HEPACAM2: variants seen among roughly 807,000 people sequenced by gnomAD.
HEPACAM2 encodes the protein HEPACAM family member 2.
HEPACAM2 carries 49 observed loss-of-function variants against 49.6 expected under a neutral mutation model. That is an observed-to-expected ratio of 0.99 (90% CI 0.78 to 1.25). HEPACAM2 has a LOEUF of 1.25. Among genes scored for constraint, HEPACAM2 ranks in the 50% most tolerant of loss-of-function variants. HEPACAM2 has a pLI of 0.00. For missense variants in HEPACAM2, 525 were observed against 557.2 expected (o/e 0.94, Z 0.58); for synonymous variants, 197 against 202.9 (o/e 0.97, Z 0.25).
At chr7:93,202,827 TC>T in intron 4 of HEPACAM2, among the ~76,000 whole-genome samples, 1 of 152,258 alleles carries the variant, frequency 6.6e-6, no homozygotes, top group South Asian at 2.1e-4. Context: ...CTTCTGTGAT[TC>T]TCCAGTCAGG....
In HEPACAM2 at chr7:93,200,039, A is replaced by AT. The variant is rs557875706; in HGVS notation, c.1013-2430dup. Among the ~76,000 whole-genome samples the AT allele has an allele frequency of 1.3e-3, 196 of 151,052 alleles. 2 individuals are homozygous for AT. The South Asian group carries it at 0.027, about 21-fold the overall frequency. On this transcript the variant is annotated intron_variant, in intron 4 of 9. Coordinates refer to ENST00000394468, the MANE Select transcript of HEPACAM2 (RefSeq NM_001039372.4). ...GAGGGCAATCCTTTGAAGTTTGTTG[A>AT]TTTTTTTTAATGACTATACAAATAG...
rs760694318 is a variant in HEPACAM2 at position 93,197,295 on chromosome 7, G to T, written c.1164-17C>A. 5.3e-5 allele frequency: 86 copies of T among 1,609,504 alleles called. No individual in the cohort carries two copies. Among genetic ancestry groups the T allele is most frequent in the Non-Finnish European group, 7.0e-5 (82 of 1,178,044 alleles). On this transcript the variant is annotated splice_polypyrimidine_tract_variant and intron_variant, in intron 6 of 9. Transcript: ENST00000394468. ...GTTTCTGGCCTGAAAAGACAAAATA[G>T]GTATTTTTGTCAGGGATAATAATTG... is the stretch of plus-strand genomic sequence containing the variant.
chr7:93,208,886 T>C lies in HEPACAM2; in HGVS notation c.716-10A>G, dbSNP rs749791429. 4 of 1,536,724 alleles carry C rather than the reference T, an allele frequency of 2.6e-6. No individual in the cohort carries two copies. The highest frequency in any genetic ancestry group is 2.5e-5 in the South Asian group (2 of 79,546). ...AGTCCATAAGGTCCATCTGCATCAATATAAAAAAAAATAGATAAGTAACAC... is the reference window on the plus strand; with the variant it reads ...AGTCCATAAGGTCCATCTGCATCAACATAAAAAAAAATAGATAAGTAACAC... On this transcript the variant is annotated splice_polypyrimidine_tract_variant and intron_variant, in intron 3 of 9. Transcript: ENST00000394468.
At chr7:93,203,186 C>T (rs375978720) in intron 4 of HEPACAM2, among the ~76,000 whole-genome samples, 1 of 152,072 alleles carries the variant, frequency 6.6e-6, no homozygotes, top group African/African-American at 2.4e-5. Flanking sequence ...ATCCTTTTCT[C>T]GGAAGAAATG....
At position 93,215,568 on chromosome 7, in the gene HEPACAM2, A is replaced by C. The variant is rs779592005; in HGVS notation, c.548T>G (p.Leu183Arg). 10 of 1,613,768 alleles carry C rather than the reference A, an allele frequency of 6.2e-6. No individual in the cohort carries two copies. Among genetic ancestry groups the C allele is most frequent in the Non-Finnish European group, 7.6e-6 (9 of 1,179,822 alleles). Residue 183 changes from leucine to arginine, a missense_variant, in exon 3 of 10, where the codon CTA becomes CGA. Leu to Arg is a moderately radical substitution (Grantham distance 102). Transcript: ENST00000394468. ...EGGTRLAYQWLKNGRPVHTSS... is the reference protein window; with the variant it reads ...EGGTRLAYQWRKNGRPVHTSS... ...GGTGTGGACAGGTCTCCCATTTTTTAGCCATTGGTAAGCTAGCCGAGTGCC... is the reference window on the plus strand; with the variant it reads ...GGTGTGGACAGGTCTCCCATTTTTTCGCCATTGGTAAGCTAGCCGAGTGCC...
rs750703804 is a variant in HEPACAM2, at chr7:93,195,833, A to C, written c.1270T>G (p.Ser424Ala). Residue 424 changes from serine (S) to alanine (A), a missense_variant, in exon 8 of 10, where the codon TCC becomes GCC. Ser to Ala is a moderately conservative substitution (Grantham distance 99). Coordinates refer to ENST00000394468, the MANE Select transcript of HEPACAM2 (RefSeq NM_001039372.4). Reference sequence around the variant, plus strand: ...CAGCCACTAGGAAAACCAACCCTGGAAACACCAGAAACATCTGGAAAAGCA... The same window carrying C: ...CAGCCACTAGGAAAACCAACCCTGGCAACACCAGAAACATCTGGAAAAGCA... ...FVAFPDVSGV[S>A]RIPSRSVPAS... The C allele has an allele frequency of 6.2e-7, 1 of 1,612,474 alleles. No homozygotes were observed. The highest frequency in any genetic ancestry group is 1.1e-5 in the South Asian group (1 of 91,032).
Position 93,208,625 on chromosome 7 carries a change from C to T in HEPACAM2, c.967G>A (p.Gly323Ser), listed in dbSNP as rs141134867. The T allele has an allele frequency of 4.0e-5, 64 of 1,612,912 alleles. No individual in the cohort carries two copies. Among genetic ancestry groups the T allele is most frequent in the East Asian group, 1.3e-4 (6 of 44,842 alleles). ...YVCCAYNNITGRQDETHFTVI... is the reference protein window; with the variant it reads ...YVCCAYNNITSRQDETHFTVI... ...GTGAAATGAGTTTCATCTTGCCTGC[C>T]GGTTATGTTGTTGTAAGCACAGCAC... The change falls in exon 4 of 10, where the codon GGC (glycine) becomes AGC (serine). Residue 323 changes from glycine (G) to serine (S), a missense_variant. Transcript: ENST00000394468.
At chr7:93,230,401 A>C (rs893612563), upstream of HEPACAM2, among the ~76,000 whole-genome samples, 6 of 152,222 alleles carry the variant, frequency 3.9e-5, no homozygotes, top group Non-Finnish European at 7.3e-5. Flanking sequence ...TTTTAAACAA[A>C]CAAACATCCC....
At chr7:93,216,992 G>A (rs1372252897) in intron 2 of HEPACAM2, among the ~76,000 whole-genome samples, 5 of 152,148 alleles carry the variant, frequency 3.3e-5, no homozygotes, top group African/African-American at 9.7e-5. Context: ...AAAGGAAGTC[G>A]AAAGGTAACT....
chr7:93,227,029 AATCTTTGAATTC>A (rs1341472511), upstream of HEPACAM2, among the ~76,000 whole-genome samples: 2 of 152,188 alleles, frequency 1.3e-5, no homozygotes, highest in Non-Finnish European at 2.9e-5. Context: ...GATTTCATTT[AATCTTTGAATTC>A]ATCTTATTTT....
rs78944597 is a variant in HEPACAM2 at position 93,197,687 on chromosome 7, A to C, written c.1013-77T>G. The stretch of plus-strand genomic sequence containing the variant: ...CTTGACTTTTTAAATGCCGTATTTT[A>C]AATGAGACGCTATTGAAAAAAATAT... On this transcript the variant is annotated intron_variant, in intron 4 of 9. Coordinates refer to ENST00000394468, the MANE Select transcript of HEPACAM2 (RefSeq NM_001039372.4). 2.5e-3 allele frequency: 2,621 copies of C among 1,032,528 alleles called. 49 individuals are homozygous for C. In the African/African-American group the frequency reaches 0.035, roughly 14 times the overall value. The allele number at this position is 1,032,528 out of a possible 1,614,324, so 64.0% of individuals were successfully genotyped here. A position where few individuals can be genotyped will look rare whatever the true frequency, so the allele number is the denominator to read the frequency against.
intron 2 of HEPACAM2, among the ~76,000 whole-genome samples, 171 bp downstream of exon 2, chr7:93,218,930 C>G (rs1300289522): frequency 6.6e-6 from 1 of 152,096 alleles, no homozygotes; most frequent in African/African-American, 2.4e-5. Context: ...CTTCAGAAAG[C>G]CTTGTGAGGT....
intron 1 of HEPACAM2, 67 bp from the exon 2 acceptor site, chr7:93,219,518 CAG>C (rs1346142773): frequency 1.2e-6 from 2 of 1,601,474 alleles, no homozygotes; most frequent in African/African-American, 1.3e-5. Context: ...GGGGCAAATG[CAG>C]AGAGAACCTG....
At chr7:93,200,062 T>G (rs1368530351) in intron 4 of HEPACAM2, among the ~76,000 whole-genome samples, 1 of 152,050 alleles carries the variant, frequency 6.6e-6, no homozygotes, top group Non-Finnish European at 1.5e-5. Flanking sequence ...ACTATACAAA[T>G]AGTCATATGA....
chr7:93,215,634 T>A lies in HEPACAM2; in HGVS notation c.482A>T (p.Glu161Val), dbSNP rs1339478623. 1.9e-6 allele frequency: 3 copies of A among 1,613,670 alleles called. No individual in the cohort carries two copies. Among genetic ancestry groups the A allele is most frequent in the Admixed American group, 3.3e-5 (2 of 59,914 alleles). Residue 161 changes from glutamate to valine, a missense_variant, in exon 3 of 10, where the codon GAG (glutamate) becomes GTG (valine). By Grantham distance (121) the Glu-to-Val change is moderately radical. Coordinates refer to ENST00000394468, the MANE Select transcript of HEPACAM2 (RefSeq NM_001039372.4). ...TGTCAGGGTCATGTTCCCCACATAC[T>A]CCACAGCCCCAGAGGGAGGATGAAT... ...VQIHPPSGAV[E>V]YVGNMTLTCH...
chr7:93,228,471 C>G (rs147936684), upstream of HEPACAM2, among the ~76,000 whole-genome samples: 5 of 152,248 alleles, frequency 3.3e-5, no homozygotes, highest in African/African-American at 1.2e-4. Context: ...GCTGGAGTAA[C>G]TTCTGATTTC....
At chr7:93,201,219 T>C (rs1157493542) in intron 4 of HEPACAM2, among the ~76,000 whole-genome samples, 1 of 152,142 alleles carries the variant, frequency 6.6e-6, no homozygotes, top group Non-Finnish European at 1.5e-5. Flanking sequence ...TCTGTTCATC[T>C]ATTTAATTAA....
At chr7:93,217,893 TG>T in intron 2 of HEPACAM2, among the ~76,000 whole-genome samples, 1 of 151,408 alleles carries the variant, frequency 6.6e-6, no homozygotes, top group African/African-American at 2.4e-5. Flanking sequence ...TGTGTGTGTG[TG>T]TGTGTGTGTG....
chr7:93,218,240 A>G (rs1794359565), intron 2 of HEPACAM2, among the ~76,000 whole-genome samples: 1 of 152,082 alleles, frequency 6.6e-6, no homozygotes, highest in Admixed American at 6.5e-5. Context: ...GATAGAAGCA[A>G]TGGGAGGATT....
Sources: allele counts gnomAD v4.1 joint callset (sites outside exome capture counted in the v4.1 genomes callset), GRCh38; gene constraint gnomAD v4.1.1; transcripts MANE v1.5; gene names NCBI Gene and HGNC (gene_info 2026-07-23, HGNC 2026-07-21).